The following PFKFB2 variants were observed in gnomAD, a reference collection of about 807,000 sequenced individuals.
The protein encoded by PFKFB2 is 6-phosphofructo-2-kinase/fructose-2,6-biphosphatase 2.
In PFKFB2, 53 loss-of-function variants were observed where a neutral mutation model predicts 68.0. The ratio of observed to expected loss-of-function variants is 0.78; its 90% CI spans 0.63 to 0.98. PFKFB2 has a LOEUF of 0.98. PFKFB2 is among the 50% of genes least tolerant of loss of function. PFKFB2 has a pLI of 0.00. For missense variants in PFKFB2, 451 were observed against 642.0 expected, an observed-to-expected ratio of 0.70 and a Z score of 3.22; for synonymous variants, 222 against 227.6, an observed-to-expected ratio of 0.98 and a Z score of 0.22.
chr1:207,038,299 C>T (rs1682417151), intron 1 of PFKFB2, among the ~76,000 whole-genome samples: 1 of 152,172 alleles, frequency 6.6e-6, no homozygotes, highest in African/African-American at 2.4e-5. Flanking sequence ...AGTTCCTGCC[C>T]TTGTGGAGTT....
chr1:207,076,339 TC>T lies in PFKFB2; in HGVS notation c.*3970del. ...TGGCCAATGGGCACGGGAAAAAGTA[TC>T]CAGTAATCAGAAGAATTGTATCTGG... On this transcript the variant is annotated 3_prime_UTR_variant, in exon 15 of 15. Transcript: ENST00000367080. The T allele has an allele frequency of 1.0e-6, 1 of 984,572 alleles. No homozygotes were observed. Among genetic ancestry groups the T allele is most frequent in the Non-Finnish European group, 1.2e-6 (1 of 829,780 alleles). 61.0% of individuals were successfully genotyped at this position (984,572 alleles called of 1,614,324 possible).
chr1:207,036,689 T>C (rs2629671), intron 1 of PFKFB2, among the ~76,000 whole-genome samples: 17,009 of 152,076 alleles, frequency 0.11, 3,092 homozygotes, highest in African/African-American at 0.38. Context: ...TCTTCTTTTT[T>C]CCTGTCAGTA....
chr1:207,059,059 T>A (rs947535417), intron 2 of PFKFB2, among the ~76,000 whole-genome samples: 3 of 152,206 alleles, frequency 2.0e-5, no homozygotes, highest in African/African-American at 7.2e-5. Flanking sequence ...AGTTTTGTAC[T>A]CCAGAAAATG....
Position 207,073,070 on chromosome 1 carries a change from C to T in PFKFB2, c.*699C>T, listed in dbSNP as rs1683515980. On this transcript the variant is annotated 3_prime_UTR_variant, in exon 15 of 15. Coordinates refer to ENST00000367080, the MANE Select transcript of PFKFB2 (RefSeq NM_006212.2). ...GTAAGGGCCAGCCCAGACTACAGGA[C>T]ATCCACAGAATATTCTGGAGCTTGC... The T allele has an allele frequency of 1.0e-6, 1 of 985,388 alleles. No individual in the cohort carries two copies. The highest frequency in any genetic ancestry group is 1.2e-6 in the Non-Finnish European group (1 of 829,980). 61.0% of individuals were successfully genotyped at this position (985,388 alleles called of 1,614,324 possible).
At position 207,065,111 on chromosome 1, in the gene PFKFB2, G is replaced by A; in HGVS notation, c.583G>A (p.Glu195Lys). The change falls in exon 8 of 15, where the codon GAA becomes AAA. Residue 195 changes from glutamate to lysine, a missense_variant. Glu to Lys is a moderately conservative substitution (Grantham distance 56). Coordinates refer to ENST00000367080, the MANE Select transcript of PFKFB2 (RefSeq NM_006212.2). The part of the protein sequence containing the change: ...NVMEDFLKRI[E>K]CYKVTYRPLD... ...GATGGAGGACTTCCTGAAGAGAATT[G>A]AATGCTACAAAGTTACCTACCGACC... The A allele has an allele frequency of 6.2e-7, 1 of 1,614,034 alleles. No homozygotes were observed. The highest frequency in any genetic ancestry group is 8.5e-7 in the Non-Finnish European group (1 of 1,179,968).
upstream of PFKFB2, chr1:207,049,369 T>C (rs1682678176): frequency 6.2e-7 from 1 of 1,614,186 alleles, no homozygotes; most frequent in Non-Finnish European, 8.5e-7. Context: ...TATTTCACAT[T>C]GGTAAAACTT....
At chr1:207,049,484 C>G, upstream of PFKFB2, 1 of 1,614,170 alleles carries the variant, frequency 6.2e-7, no homozygotes, top group Non-Finnish European at 8.5e-7. Context: ...CTATAGAAGT[C>G]TGGATCGCTT....
In PFKFB2 at chr1:207,054,784, A is replaced by G; in HGVS notation, c.67A>G (p.Met23Val). ...SYETKTPNLR[M>V]SEKKCSWASY... ...TGAAACCAAAACCCCAAATCTTCGA[A>G]TGTCAGAGAAGAAATGTTGTGAGTT... The change falls in exon 2 of 15, where the codon ATG becomes GTG. Residue 23 changes from methionine to valine, a missense_variant. Coordinates refer to ENST00000367080, the MANE Select transcript of PFKFB2 (RefSeq NM_006212.2). 6.2e-7 allele frequency: 1 copy of G among 1,613,190 alleles called. No individual in the cohort carries two copies. Among genetic ancestry groups the G allele is most frequent in the Non-Finnish European group, 8.5e-7 (1 of 1,179,352 alleles).
chr1:207,077,758 G>C lies in PFKFB2; in HGVS notation c.*5387G>C. 1 of 985,788 alleles carries C rather than the reference G, an allele frequency of 1.0e-6. No homozygotes were observed. The highest frequency in any genetic ancestry group is 1.2e-6 in the Non-Finnish European group (1 of 829,858). 61.1% of individuals were successfully genotyped at this position (985,788 alleles called of 1,614,324 possible). ...AAGTGTGCATAACTGTATTTGAAAT[G>C]TGTTTTTGTGTGCGTGTGTGTAGAA... On this transcript the variant is annotated 3_prime_UTR_variant, in exon 15 of 15. Coordinates refer to ENST00000367080, the MANE Select transcript of PFKFB2 (RefSeq NM_006212.2).
intron 8 of PFKFB2, among the ~76,000 whole-genome samples, chr1:207,065,757 C>T (rs954294924): frequency 8.5e-5 from 13 of 152,144 alleles, no homozygotes; most frequent in African/African-American, 2.4e-4. Context: ...TGTTGTAGGA[C>T]CTGTCCTGTG....
At chr1:207,041,031 CCATTCT>C in intron 1 of PFKFB2, among the ~76,000 whole-genome samples, 22 of 151,092 alleles carry the variant, frequency 1.5e-4, no homozygotes, top group Non-Finnish European at 2.2e-4. Context: ...CAGGTTCACG[CCATTCT>C]CCTGCCTCAA....
At position 207,073,316 on chromosome 1, in the gene PFKFB2, C is replaced by T. The variant is rs1683523965; in HGVS notation, c.*945C>T. 5 of 985,290 alleles carry T rather than the reference C, an allele frequency of 5.1e-6. No individual in the cohort carries two copies. The highest frequency in any genetic ancestry group is 4.8e-6 in the Non-Finnish European group (4 of 829,950). The allele number at this position is 985,290 out of a possible 1,614,324, so 61.0% of individuals were successfully genotyped here. Reference sequence around the variant, plus strand: ...CTCTTAGAGAGCAGTCATGTCTTTTCTCCCATGACTCTCAGGTTCTTTGCC... The same window carrying T: ...CTCTTAGAGAGCAGTCATGTCTTTTTTCCCATGACTCTCAGGTTCTTTGCC... On this transcript the variant is annotated 3_prime_UTR_variant, in exon 15 of 15. Transcript: ENST00000367080.
At chr1:207,046,012 C>T (rs758304344) in intron 2 of PFKFB2, 1 of 151,990 alleles carries the variant, frequency 6.6e-6, no homozygotes, top group Non-Finnish European at 1.5e-5. Context: ...TTGGCTAACA[C>T]ATCACAAAAT....
chr1:207,051,007 G>A (rs758140321), upstream of PFKFB2: 34 of 1,515,724 alleles, frequency 2.2e-5, no homozygotes, highest in Non-Finnish European at 2.7e-5. Context: ...CTCCAAAATG[G>A]CGACCTTTAG....
At chr1:207,057,342 G>A (rs1365135760) in intron 2 of PFKFB2, among the ~76,000 whole-genome samples, 1 of 146,630 alleles carries the variant, frequency 6.8e-6, no homozygotes, top group Admixed American at 6.8e-5. Context: ...GCCGGGCATG[G>A]TGGCGGGCGC....
chr1:207,070,244 TG>T lies in PFKFB2; in HGVS notation c.1093-33del. On this transcript the variant is annotated intron_variant, in intron 11 of 14. Transcript: ENST00000367080. This position sits in a 1 kb window ranked among gnomAD's most constrained non-coding sequence, Gnocchi z 4.2. ...ACTGACTTGGCTGCCAGCTTGCACC[TG>T]GGCTCCTGCCAGCCTGCCCCATTTC... is the stretch of plus-strand genomic sequence containing the variant. 1 of 1,610,796 alleles carries T rather than the reference TG, an allele frequency of 6.2e-7. No homozygotes were observed. Among genetic ancestry groups the T allele is most frequent in the South Asian group, 1.1e-5 (1 of 90,790 alleles).
At chr1:207,049,664 T>C, upstream of PFKFB2, 7 of 1,614,204 alleles carry the variant, frequency 4.3e-6, no homozygotes, top group African/African-American at 2.7e-5. Context: ...GCACCACGTT[T>C]AGTAAATGCA....
At chr1:207,047,627 A>G (rs1263957476) in intron 2 of PFKFB2, 1 of 152,674 alleles carries the variant, frequency 6.5e-6, no homozygotes, top group Non-Finnish European at 1.5e-5. Context: ...ATAATTAAGA[A>G]AAGAGGTAGA....
upstream of PFKFB2, among the ~76,000 whole-genome samples, chr1:207,050,519 C>A (rs1367033412): frequency 6.6e-6 from 1 of 152,212 alleles, no homozygotes; most frequent in Non-Finnish European, 1.5e-5. Flanking sequence ...TTGCTAGACA[C>A]TTGCCCTGGC....
Sources: allele counts gnomAD v4.1 joint callset (sites outside exome capture counted in the v4.1 genomes callset), GRCh38; gene constraint gnomAD v4.1.1; non-coding constraint Gnocchi (gnomAD v3.1); transcripts MANE v1.5; gene names NCBI Gene and HGNC (gene_info 2026-07-23, HGNC 2026-07-21).